The following ARL6IP1 variants were observed in gnomAD, a reference collection of about 807,000 sequenced individuals.
The protein encoded by ARL6IP1 is ADP-ribosylation factor-like protein 6-interacting protein 1.
ARL6IP1 carries 16 observed loss-of-function variants against 30.1 expected under a neutral mutation model. That is an observed-to-expected ratio of 0.53 (90% CI 0.36 to 0.81). The LOEUF (loss-of-function observed/expected upper bound fraction) is 0.81, where lower values mean the gene tolerates loss of function less well. ARL6IP1 is among the 30% of genes least tolerant of loss of function. The probability of loss-of-function intolerance (pLI) is 0.01; values close to 1 mark genes in which losing one functional copy is unlikely to be tolerated. For synonymous variants in ARL6IP1, 72 were observed against 84.8 expected (o/e 0.85, Z 0.83); for missense variants, 173 against 242.7 (o/e 0.71, Z 1.91).
At chr16:18,793,842 G>A (rs533908552) in intron 5 of ARL6IP1, among the ~76,000 whole-genome samples, 3 of 152,346 alleles carry the variant, frequency 2.0e-5, no homozygotes, top group East Asian at 3.9e-4. Context: ...ACCAAGTAGA[G>A]TAGCTGGGAT....
In ARL6IP1 at chr16:18,797,101, C is replaced by T. The variant is rs540120326; in HGVS notation, c.290+824G>A. 3.9e-4 allele frequency among the ~76,000 whole-genome samples: 59 copies of T among 152,122 alleles called. 1 individual carries two copies. The South Asian group carries it at 0.012, about 31-fold the overall frequency. ...AAGCAACCTCATGGTATAAATAGGC[C>T]GGGCACGGTGGCTCACGCCTGTAAT... On this transcript the variant is annotated intron_variant, in intron 3 of 5. Coordinates refer to ENST00000304414, the MANE Select transcript of ARL6IP1 (RefSeq NM_015161.3).
In ARL6IP1 at chr16:18,792,939, C is replaced by T. The variant is rs145797778; in HGVS notation, c.*313G>A. ...ATTATCCAGATTCACTTGAACTGTA[C>T]TAAAGGGCAAGGTTCACCACTACAA... On this transcript the variant is annotated 3_prime_UTR_variant, in exon 6 of 6. Transcript: ENST00000304414. The T allele has an allele frequency of 5.7e-4, 116 of 204,144 alleles. No homozygotes were observed. The Middle Eastern group carries it at 7.6e-3, about 13-fold the overall frequency. The allele number at this position is 204,144 out of a possible 1,614,324, so 12.6% of individuals were successfully genotyped here. A position where few individuals can be genotyped will look rare whatever the true frequency, so the allele number is the denominator to read the frequency against.
chr16:18,793,387 AC>A lies in ARL6IP1; in HGVS notation c.494-18del. Reference sequence around the variant, plus strand: ...AGGAAGTCACTTAAAATAAAAAAAAACCCAACATTAAGGAGGCAGCAATTAA... The same window carrying A: ...AGGAAGTCACTTAAAATAAAAAAAAACCAACATTAAGGAGGCAGCAATTAA... On this transcript the variant is annotated intron_variant, in intron 5 of 5. Transcript: ENST00000304414. The A allele has an allele frequency of 6.8e-7, 1 of 1,469,256 alleles. No individual in the cohort carries two copies. Among genetic ancestry groups the A allele is most frequent in the Non-Finnish European group, 9.3e-7 (1 of 1,072,100 alleles). 91.0% of individuals were successfully genotyped at this position (1,469,256 alleles called of 1,614,324 possible). A position where few individuals can be genotyped will look rare whatever the true frequency, so the allele number is the denominator to read the frequency against.
chr16:18,794,647 C>A lies in ARL6IP1; in HGVS notation c.445G>T (p.Ala149Ser). ...MTMIVSLAAV[A>S]WVGQQVHNLL... ...TTGTGGACTTGTTGTCCCACCCAAG[C>A]AACCGCAGCAAGGGAAACGATCATG... The change falls in exon 5 of 6, where the codon GCT becomes TCT. Residue 149 changes from alanine to serine, a missense_variant. Transcript: ENST00000304414. 6.2e-7 allele frequency: 1 copy of A among 1,613,402 alleles called. No individual in the cohort carries two copies. The highest frequency in any genetic ancestry group is 8.5e-7 in the Non-Finnish European group (1 of 1,179,568).
intron 1 of ARL6IP1, among the ~76,000 whole-genome samples, chr16:18,800,098 C>A (rs562317342): frequency 6.6e-6 from 1 of 152,266 alleles, no homozygotes; most frequent in East Asian, 1.9e-4. Context: ...CAAAGACGCT[C>A]GCTATCTGTG....
At position 18,793,366 on chromosome 16, in the gene ARL6IP1, A is replaced by T; in HGVS notation, c.498T>A (p.Thr166=). Residue 166 remains threonine, a synonymous_variant, in exon 6 of 6, where the codon ACT becomes ACA. Coordinates refer to ENST00000304414, the MANE Select transcript of ARL6IP1 (RefSeq NM_015161.3). ...HNLLLTYLIV[T]SLLLLPGLNQ... ...TTAGTCCAGGAAGCAATAGTAAGGA[A>T]GTCACTTAAAATAAAAAAAAACCCA... The T allele has an allele frequency of 6.3e-7, 1 of 1,582,560 alleles. No homozygotes were observed. The highest frequency in any genetic ancestry group is 1.2e-5 in the South Asian group (1 of 86,950).
chr16:18,794,999 G>A (rs2030187368), intron 4 of ARL6IP1, among the ~76,000 whole-genome samples: 1 of 150,722 alleles, frequency 6.6e-6, no homozygotes, highest in Non-Finnish European at 1.5e-5. Flanking sequence ...TAAGAGAACA[G>A]ATGAACAGAT....
intron 2 of ARL6IP1, 139 bp from the exon 3 acceptor site, chr16:18,798,183 G>C: frequency 1.2e-6 from 1 of 822,078 alleles, no homozygotes; most frequent in South Asian, 2.1e-5. Flanking sequence ...TCTCACAAGT[G>C]GCTTTCCAGA....
At chr16:18,797,358 G>A (rs1277112332) in intron 3 of ARL6IP1, among the ~76,000 whole-genome samples, 4 of 150,338 alleles carry the variant, frequency 2.7e-5, no homozygotes, top group Admixed American at 6.6e-5. Context: ...CTCCAGCCTG[G>A]GCAACAGAGC....
chr16:18,798,203 A>G, intron 2 of ARL6IP1, 159 bp from the exon 3 acceptor site: 1 of 624,802 alleles, frequency 1.6e-6, no homozygotes, highest in Non-Finnish European at 2.7e-6. Context: ...AGGCTTTGTG[A>G]CATGCTGATA....
Position 18,801,545 on chromosome 16 carries a change from AACC to A in ARL6IP1, c.-82_-80del. The A allele has an allele frequency of 6.4e-7, 1 of 1,561,894 alleles. No homozygotes were observed. Among genetic ancestry groups the A allele is most frequent in the Non-Finnish European group, 8.7e-7 (1 of 1,151,530 alleles). On this transcript the variant is annotated 5_prime_UTR_variant, in exon 1 of 6. Transcript: ENST00000304414. The stretch of plus-strand genomic sequence containing the variant: ...CAACCGAAACCCGCACACCAACCAC[AACC>A]CGAGGGAACGCCCCGCAGGCTGCTT...
rs1177983614 is a variant in ARL6IP1, at chr16:18,795,586, A to G, written c.291-5T>C. On this transcript the variant is annotated splice_polypyrimidine_tract_variant and splice_region_variant and intron_variant, in intron 3 of 5. Transcript: ENST00000304414. The stretch of plus-strand genomic sequence containing the variant: ...CTTTGCTGTTGTTCAGTGGTCCTAG[A>G]AAAGAAATTTGCCTTTTGCTATAAA... 1.2e-6 allele frequency: 2 copies of G among 1,609,778 alleles called. No individual in the cohort carries two copies. Among genetic ancestry groups the G allele is most frequent in the Admixed American group, 1.7e-5 (1 of 59,782 alleles).
At chr16:18,797,117 C>T (rs964612353) in intron 3 of ARL6IP1, among the ~76,000 whole-genome samples, 7 of 152,002 alleles carry the variant, frequency 4.6e-5, no homozygotes, top group Admixed American at 1.3e-4. Context: ...CGGTGGCTCA[C>T]GCCTGTAATC....
chr16:18,798,726 T>C lies in ARL6IP1; in HGVS notation c.145A>G (p.Met49Val), dbSNP rs2030317526. The change falls in exon 2 of 6, where the codon ATG (methionine) becomes GTG (valine). Residue 49 changes from methionine (M) to valine (V), a missense_variant. Met to Val is a conservative substitution (Grantham distance 21, BLOSUM62 1). Coordinates refer to ENST00000304414, the MANE Select transcript of ARL6IP1 (RefSeq NM_015161.3). ...AGAAACACCAAAGAAACCACACCCA[T>C]GATGGCAGGTGGAAACCAGGCTCTT... ...WERAWFPPAIMGVVSLVFLII... is the reference protein window; with the variant it reads ...WERAWFPPAIVGVVSLVFLII... 1.9e-6 allele frequency: 3 copies of C among 1,614,158 alleles called. No individual in the cohort carries two copies. The highest frequency in any genetic ancestry group is 2.5e-6 in the Non-Finnish European group (3 of 1,180,014).
intron 3 of ARL6IP1, among the ~76,000 whole-genome samples, chr16:18,796,415 G>A (rs975740379): frequency 2.0e-5 from 3 of 152,158 alleles, no homozygotes; most frequent in Admixed American, 1.3e-4. Context: ...GTTATTTCTT[G>A]CCCATGGTCA....
intron 1 of ARL6IP1, 32 bp downstream of exon 1, chr16:18,801,399 C>G: frequency 6.2e-7 from 1 of 1,611,264 alleles, no homozygotes; most frequent in Non-Finnish European, 8.5e-7. Context: ...AGGCCTCGCT[C>G]GGCTCCCGGG....
chr16:18,792,571 A>T lies in ARL6IP1; in HGVS notation c.*681T>A, dbSNP rs1265977390. ...AGCCTTTAAGGATTTACTAACTTCG[A>T]GTCTAAGTGCAAGGGGACGAAAGCT... is the stretch of plus-strand genomic sequence containing the variant. On this transcript the variant is annotated 3_prime_UTR_variant, in exon 6 of 6. Transcript: ENST00000304414. 6.6e-6 allele frequency: 1 copy of T among 152,532 alleles called. No individual in the cohort carries two copies. Among genetic ancestry groups the T allele is most frequent in the Non-Finnish European group, 1.5e-5 (1 of 68,036 alleles). The allele number at this position is 152,532 out of a possible 1,614,324, so 9.4% of individuals were successfully genotyped here. A position where few individuals can be genotyped will look rare whatever the true frequency, so the allele number is the denominator to read the frequency against.
chr16:18,795,412 T>C (rs781029600), intron 4 of ARL6IP1, 52 bp downstream of exon 4: 22 of 1,313,710 alleles, frequency 1.7e-5, no homozygotes, highest in South Asian at 2.5e-5. Flanking sequence ...AAAAGGCGAA[T>C]TGACTCAAAT....
Position 18,801,240 on chromosome 16 carries a change from C to T in ARL6IP1, c.36+191G>A, listed in dbSNP as rs908220703. 37 of 1,423,868 alleles carry T rather than the reference C, an allele frequency of 2.6e-5. No individual in the cohort carries two copies. The South Asian group carries it at 3.6e-4, about 14-fold the overall frequency. 88.2% of individuals were successfully genotyped at this position (1,423,868 alleles called of 1,614,324 possible). Reference sequence around the variant, plus strand: ...CGCGCCCTCCTCGCCCCGTCGCGCACCGTCCCCAGGAAAGGTAAGGGTTCG... The same window carrying T: ...CGCGCCCTCCTCGCCCCGTCGCGCATCGTCCCCAGGAAAGGTAAGGGTTCG... On this transcript the variant is annotated intron_variant, in intron 1 of 5. Transcript: ENST00000304414.
Sources: allele counts gnomAD v4.1 joint callset (sites outside exome capture counted in the v4.1 genomes callset), GRCh38; gene constraint gnomAD v4.1.1; transcripts MANE v1.5; gene names NCBI Gene and HGNC (gene_info 2026-07-23, HGNC 2026-07-21).